Variants in TRHDE observed in about 807,000 individuals in gnomAD.
The protein encoded by TRHDE is thyrotropin releasing hormone degrading enzyme, also known as thyrotropin-releasing hormone-degrading ectoenzyme.
TRHDE carries 72 observed loss-of-function variants against 125.7 expected under a neutral mutation model. The ratio of observed to expected loss-of-function variants is 0.57; its 90% confidence interval spans 0.47 to 0.70. TRHDE has a LOEUF of 0.70. Ranked by LOEUF, TRHDE falls within the 30% of genes least tolerant of loss-of-function variation. The probability of loss-of-function intolerance (pLI) is 0.00; values close to 1 mark genes in which losing one functional copy is unlikely to be tolerated. For missense variants in TRHDE, 1,110 were observed against 1,327.1 expected (o/e 0.84, Z 2.54); for synonymous variants, 509 against 509.1 (o/e 1.00, Z 0.00).
At chr12:72,428,734 C>T (rs914157661) in intron 3 of TRHDE, among the ~76,000 whole-genome samples, 10 of 151,976 alleles carry the variant, frequency 6.6e-5, no homozygotes, top group African/African-American at 2.4e-4. Context: ...TTTTTTACAA[C>T]CTAAAAAGGA....
chr12:72,291,742 A>T (rs570381859), intron 2 of TRHDE, among the ~76,000 whole-genome samples: 2 of 152,366 alleles, frequency 1.3e-5, no homozygotes, highest in Admixed American at 6.5e-5. Flanking sequence ...TTTAAAGTAT[A>T]CAGGAAGACA....
intron 18 of TRHDE, among the ~76,000 whole-genome samples, chr12:72,658,537 G>A (rs940645380): frequency 9.3e-5 from 14 of 151,162 alleles, no homozygotes; most frequent in African/African-American, 2.2e-4. Flanking sequence ...CTCTAACTCC[G>A]TTTGCCTTTC....
chr12:72,498,952 TC>T (rs1878028767), intron 5 of TRHDE, among the ~76,000 whole-genome samples: 1 of 147,580 alleles, frequency 6.8e-6, no homozygotes, highest in African/African-American at 2.6e-5. Flanking sequence ...TGAAATTTTT[TC>T]AGAAAATAAA....
At chr12:72,490,215 G>A (rs1262976790) in intron 5 of TRHDE, among the ~76,000 whole-genome samples, 2 of 151,768 alleles carry the variant, frequency 1.3e-5, no homozygotes, top group African/African-American at 2.4e-5. Flanking sequence ...AAAATAGCCA[G>A]CAGATATATG....
At chr12:72,168,113 A>G (rs1249821983) in intron 2 of TRHDE, among the ~76,000 whole-genome samples, 1 of 152,222 alleles carries the variant, frequency 6.6e-6, no homozygotes, top group Non-Finnish European at 1.5e-5. Flanking sequence ...CTGAAGGACT[A>G]AAGCAGATAT....
chr12:72,248,776 C>T (rs945936696), intron 2 of TRHDE, among the ~76,000 whole-genome samples: 12 of 152,154 alleles, frequency 7.9e-5, no homozygotes, highest in South Asian at 2.1e-4. Context: ...TCTTGAAGAG[C>T]GCACAATTAA....
chr12:72,245,189 C>T (rs1878552252), intron 2 of TRHDE, among the ~76,000 whole-genome samples: 1 of 151,508 alleles, frequency 6.6e-6, no homozygotes, highest in African/African-American at 2.4e-5. Flanking sequence ...CTTACCATAC[C>T]CATGGTTTAG....
At chr12:72,561,077 T>C (rs781090532) in intron 7 of TRHDE, among the ~76,000 whole-genome samples, 3 of 152,236 alleles carry the variant, frequency 2.0e-5, no homozygotes, top group Non-Finnish European at 4.4e-5. Context: ...ATGGCAATGA[T>C]GAATTTGTGG....
At chr12:72,129,202 G>A (rs1875801511) in intron 2 of TRHDE, among the ~76,000 whole-genome samples, 1 of 152,074 alleles carries the variant, frequency 6.6e-6, no homozygotes, top group Non-Finnish European at 1.5e-5. Flanking sequence ...AAGAGGATTT[G>A]AAACATCTGA....
chr12:72,457,992 A>G (rs1875943550), intron 3 of TRHDE, among the ~76,000 whole-genome samples: 1 of 152,122 alleles, frequency 6.6e-6, no homozygotes, highest in African/African-American at 2.4e-5. Flanking sequence ...GCTACCTCAG[A>G]CTTTGAAAAT....
rs1423485212 is a variant in TRHDE at position 72,630,126 on chromosome 12, G to T, written c.2675+8375G>T. On this transcript the variant is annotated intron_variant, in intron 15 of 18. Transcript: ENST00000261180. Reference sequence around the variant, plus strand: ...TCTTGGCAGTAACAGCAAAATTAAAGCACACCCACATACATCTGTGGGTTG... The same window carrying T: ...TCTTGGCAGTAACAGCAAAATTAAATCACACCCACATACATCTGTGGGTTG... Among the ~76,000 whole-genome samples the T allele has an allele frequency of 2.0e-5, 3 of 151,460 alleles. No homozygotes were observed. In the East Asian group the frequency reaches 5.8e-4, roughly 29 times the overall value.
intron 6 of TRHDE, among the ~76,000 whole-genome samples, chr12:72,512,426 T>TTATA (rs1565772012): frequency 3.7e-5 from 4 of 106,812 alleles, no homozygotes; most frequent in South Asian, 4.7e-4. Flanking sequence ...ATATAATATA[T>TTATA]ATTATATAAT....
At chr12:72,521,613 A>G (rs992710997) in intron 6 of TRHDE, among the ~76,000 whole-genome samples, 2 of 152,314 alleles carry the variant, frequency 1.3e-5, no homozygotes, top group Middle Eastern at 3.4e-3. Flanking sequence ...CTTAAAGTAG[A>G]GAATTTTTGG....
intron 2 of TRHDE, among the ~76,000 whole-genome samples, chr12:72,111,286 G>C (rs2139295312): frequency 6.6e-6 from 1 of 152,266 alleles, no homozygotes; most frequent in African/African-American, 2.4e-5. Flanking sequence ...ACATGAGTTT[G>C]TGTGTATTTG....
At chr12:72,376,160 T>C (rs1278544120) in intron 2 of TRHDE, among the ~76,000 whole-genome samples, 1 of 152,186 alleles carries the variant, frequency 6.6e-6, no homozygotes, top group Non-Finnish European at 1.5e-5. Flanking sequence ...CAAGGCAGTG[T>C]GAACTCACCA....
chr12:72,460,790 G>A (rs914289039), intron 3 of TRHDE, among the ~76,000 whole-genome samples: 7 of 151,958 alleles, frequency 4.6e-5, no homozygotes, highest in Admixed American at 1.3e-4. Context: ...AGTACTAGAC[G>A]CACAACAAAA....
intron 5 of TRHDE, among the ~76,000 whole-genome samples, chr12:72,481,562 T>C (rs1035043717): frequency 7.1e-6 from 1 of 141,626 alleles, no homozygotes; most frequent in African/African-American, 2.5e-5. Flanking sequence ...TCTACAGTCT[T>C]TTTTTTTTTT....
chr12:72,446,718 T>A (rs1271635987), intron 3 of TRHDE, among the ~76,000 whole-genome samples: 3 of 151,944 alleles, frequency 2.0e-5, no homozygotes, highest in Non-Finnish European at 4.4e-5. Context: ...GCAATCCTAG[T>A]CTCTGATAAA....
intron 3 of TRHDE, among the ~76,000 whole-genome samples, chr12:72,404,350 T>C (rs1387785834): frequency 6.6e-6 from 1 of 152,116 alleles, no homozygotes; most frequent in African/African-American, 2.4e-5. Context: ...GAGAATTGCT[T>C]GACCTGGCAG....
Sources: allele counts gnomAD v4.1 joint callset (sites outside exome capture counted in the v4.1 genomes callset), GRCh38; gene constraint gnomAD v4.1.1; transcripts MANE v1.5; gene names NCBI Gene and HGNC (gene_info 2026-07-23, HGNC 2026-07-21).